The following NOTCH2 variants were observed in gnomAD, a reference collection of about 807,000 sequenced individuals.
NOTCH2 encodes the protein notch receptor 2, also known as neurogenic locus notch homolog protein 2.
A neutral mutation model predicts 235.8 loss-of-function variants in NOTCH2; 29 were observed. The observed-to-expected ratio is 0.12, with a 90% CI of 0.09 to 0.17. The LOEUF (loss-of-function observed/expected upper bound fraction) is 0.17. NOTCH2 is among the 10% of genes least tolerant of loss of function. The pLI is 1.00. For missense variants in NOTCH2, 2,285 were observed against 3,150.2 expected (o/e 0.73, Z 6.57); for synonymous variants, 1,086 against 1,141.5 (o/e 0.95, Z 0.98).
intron 2 of NOTCH2, among the ~76,000 whole-genome samples, chr1:120,017,568 G>C (rs587629549): frequency 6.6e-6 from 1 of 151,860 alleles, no homozygotes; most frequent in Non-Finnish European, 1.5e-5. Context: ...CCCTTAAAAA[G>C]ACCCTATAAA....
chr1:120,066,565 T>A (rs1467231909), intron 1 of NOTCH2, among the ~76,000 whole-genome samples: 8 of 151,408 alleles, frequency 5.3e-5, no homozygotes, highest in Non-Finnish European at 7.4e-5. Flanking sequence ...ATTTTTAAGA[T>A]GTATTGTAAG....
intron 11 of NOTCH2, among the ~76,000 whole-genome samples, chr1:119,963,176 T>TAGGA (rs1221282887): frequency 1.5e-5 from 1 of 66,326 alleles, no homozygotes; most frequent in East Asian, 1.1e-3. Flanking sequence ...AGAAGGAAGG[T>TAGGA]AGGTAGGAAG....
At chr1:119,978,663 G>A (rs587727302) in intron 5 of NOTCH2, among the ~76,000 whole-genome samples, 13 of 152,294 alleles carry the variant, frequency 8.5e-5, no homozygotes, top group South Asian at 4.1e-4. Context: ...GCTGACCCCC[G>A]CCACAGAGAA....
At chr1:120,065,665 C>T (rs587764480) in intron 1 of NOTCH2, among the ~76,000 whole-genome samples, 15 of 152,204 alleles carry the variant, frequency 9.9e-5, no homozygotes, top group African/African-American at 3.6e-4. Context: ...GAATTCTGGT[C>T]TTCTGGCTCC....
chr1:119,919,242 C>A, intron 31 of NOTCH2, 70 bp downstream of exon 31: 1 of 1,453,806 alleles, frequency 6.9e-7, no homozygotes, highest in Middle Eastern at 2.4e-4. Flanking sequence ...GATATTAATT[C>A]TTTAAAAACG....
At chr1:119,929,909 C>A (rs1649595417) in intron 22 of NOTCH2, among the ~76,000 whole-genome samples, 1 of 152,168 alleles carries the variant, frequency 6.6e-6, no homozygotes, top group African/African-American at 2.4e-5. Flanking sequence ...TATTTTTTAT[C>A]TTTTATATTG....
chr1:119,965,589 A>G, intron 9 of NOTCH2, 23 bp from the exon 10 acceptor site: 3 of 1,475,282 alleles, frequency 2.0e-6, no homozygotes, highest in Non-Finnish European at 2.8e-6. Context: ...CAGTGGTAAC[A>G]TGAGTCAAAG....
At chr1:119,935,300 T>C in intron 22 of NOTCH2, 172 bp downstream of exon 22, 2 of 1,557,850 alleles carry the variant, frequency 1.3e-6, no homozygotes, top group Non-Finnish European at 1.7e-6. Context: ...ACATCAGAGC[T>C]AGCAAGAGAT....
At chr1:119,919,743 G>T in intron 30 of NOTCH2, 130 bp from the exon 31 acceptor site, 3 of 879,284 alleles carry the variant, frequency 3.4e-6, no homozygotes, top group Middle Eastern at 6.2e-4. Flanking sequence ...GTAGTAACTG[G>T]TTATTAGTTT....
chr1:119,918,255 A>C (rs1039954757), intron 32 of NOTCH2, 151 bp downstream of exon 32: 1 of 903,764 alleles, frequency 1.1e-6, no homozygotes, highest in African/African-American at 1.6e-5. Flanking sequence ...CTCTGAGCTC[A>C]GCATGTTAAA....
chr1:119,949,439 T>C (rs966380644), intron 15 of NOTCH2, among the ~76,000 whole-genome samples: 3 of 147,490 alleles, frequency 2.0e-5, no homozygotes, highest in East Asian at 4.0e-4. Context: ...CAGGCTGGAG[T>C]GCAGTGATGC....
Position 119,914,965 on chromosome 1 carries a change from AG to A in NOTCH2, c.*340del, listed in dbSNP as rs369734036. ...TCTCATGGATATGGCAGAAGCCTGC[AG>A]GGCTTAAAATGCAGTCCAAGCTGCA... On this transcript the variant is annotated 3_prime_UTR_variant, in exon 34 of 34. Transcript: ENST00000256646. 6.9e-4 allele frequency: 304 copies of A among 438,262 alleles called. 1 individual carries two copies. Among genetic ancestry groups the A allele is most frequent in the African/African-American group, 5.4e-3 (278 of 51,242 alleles). The allele number at this position is 438,262 out of a possible 1,614,324, so 27.1% of individuals were successfully genotyped here.
At chr1:119,967,390 A>AGTC (rs1557825650) in intron 8 of NOTCH2, 43 bp downstream of exon 8, 4 of 1,536,838 alleles carry the variant, frequency 2.6e-6, no homozygotes, top group Admixed American at 1.7e-5. Flanking sequence ...AGTTCAGAAC[A>AGTC]GTCCCTCCTC....
rs1648988182 is a variant in NOTCH2 at position 119,914,245 on chromosome 1, G to C, written c.*1061C>G. ...TAGAATGCTCAGATCTGGGACAAATGTGTTCCATACAGGCAGTCAATGGAA... is the reference window on the plus strand; with the variant it reads ...TAGAATGCTCAGATCTGGGACAAATCTGTTCCATACAGGCAGTCAATGGAA... On this transcript the variant is annotated 3_prime_UTR_variant, in exon 34 of 34. Transcript: ENST00000256646. The C allele has an allele frequency of 8.6e-6, 2 of 233,280 alleles. No individual in the cohort carries two copies. Among genetic ancestry groups the C allele is most frequent in the Non-Finnish European group, 1.7e-5 (2 of 118,038 alleles). 14.5% of individuals were successfully genotyped at this position (233,280 alleles called of 1,614,324 possible).
At position 119,969,663 on chromosome 1, in the gene NOTCH2, T is replaced by C. The variant is rs144936899; in HGVS notation, c.956A>G (p.Asn319Ser). The C allele has an allele frequency of 8.5e-5, 138 of 1,614,152 alleles. No individual in the cohort carries two copies. Among genetic ancestry groups the C allele is most frequent in the Admixed American group, 2.2e-4 (13 of 60,022 alleles). Residue 319 changes from asparagine to serine, a missense_variant, in exon 6 of 34, where the codon AAT becomes AGT. By Grantham distance (46) the Asn-to-Ser change is conservative. This residue lies in a region of NOTCH2 where 431 missense variants were observed against 757.8 expected (regional missense o/e 0.57). Transcript: ENST00000256646. ...GACACATACACAGCCATAGCCTCCA[T>C]TGCGGTTGGCACAGGTGCCCCCATT... ...CQNGGTCANR[N>S]GGYGCVCVNG... is the part of the protein sequence containing the mutation.
At chr1:119,974,139 G>A (rs587736901) in intron 5 of NOTCH2, among the ~76,000 whole-genome samples, 2 of 152,334 alleles carry the variant, frequency 1.3e-5, no homozygotes, top group East Asian at 1.9e-4. Context: ...CAGGAGAGCT[G>A]TATTGTTTCC....
Position 119,968,213 on chromosome 1 carries a change from A to G in NOTCH2, c.1128T>C (p.Asp376=). ...EGKAGLLCHL[D]DACISNPCHK... is the part of the protein sequence containing the mutation. ...GGCAAGGATTGCTGATGCATGCATC[A>G]TCCAGATGACACAGGAGACCTGTCA... is the stretch of plus-strand genomic sequence containing the variant. Residue 376 remains aspartate (D), a synonymous_variant, in exon 7 of 34, where the codon GAT becomes GAC. Transcript: ENST00000256646. The G allele has an allele frequency of 6.2e-7, 1 of 1,613,990 alleles. No individual in the cohort carries two copies. Among genetic ancestry groups the G allele is most frequent in the Non-Finnish European group, 8.5e-7 (1 of 1,179,938 alleles).
intron 3 of NOTCH2, among the ~76,000 whole-genome samples, chr1:119,997,967 C>T (rs1234629767): frequency 7.3e-6 from 1 of 136,816 alleles, no homozygotes; most frequent in Admixed American, 7.1e-5. Context: ...CAGCAAGACT[C>T]TATTTCAAAA....
At chr1:120,011,889 G>A (rs1309426791) in intron 2 of NOTCH2, among the ~76,000 whole-genome samples, 39 of 150,390 alleles carry the variant, frequency 2.6e-4, no homozygotes, top group South Asian at 4.3e-4. Context: ...GGTGGCGGGC[G>A]CCTGTAGTCC....
Sources: allele counts gnomAD v4.1 joint callset (sites outside exome capture counted in the v4.1 genomes callset), GRCh38; gene constraint gnomAD v4.1.1; regional missense constraint gnomAD v4.1.1; transcripts MANE v1.5; gene names NCBI Gene and HGNC (gene_info 2026-07-23, HGNC 2026-07-21).